Variants in PCNX2 observed in about 807,000 individuals in gnomAD.
The protein encoded by PCNX2 is pecanex-like protein 2.
PCNX2 carries 168 observed loss-of-function variants against 223.8 expected under a neutral mutation model. The observed-to-expected ratio is 0.75, with a 90% confidence interval of 0.66 to 0.85. The LOEUF (loss-of-function observed/expected upper bound fraction) is 0.85, where lower values mean the gene tolerates loss of function less well. PCNX2 is among the 40% of genes least tolerant of loss of function. The pLI, the probability that PCNX2 is intolerant of heterozygous loss-of-function variation, is 0.00. For synonymous variants in PCNX2, 1,006 were observed against 1,052.6 expected (o/e 0.96, Z 0.86); for missense variants, 2,507 against 2,675.5 (o/e 0.94, Z 1.39).
chr1:233,218,776 T>C (rs1473194872), intron 10 of PCNX2, among the ~76,000 whole-genome samples: 1 of 152,128 alleles, frequency 6.6e-6, no homozygotes, highest in Non-Finnish European at 1.5e-5. Flanking sequence ...AAACTGGGTT[T>C]ACTGGCAAAA....
the PCNX2 span, among the ~76,000 whole-genome samples, chr1:233,310,331 T>A: frequency 6.6e-6 from 1 of 152,156 alleles, no homozygotes; most frequent in Non-Finnish European, 1.5e-5. Flanking sequence ...AAACTGATAG[T>A]ATATCAGTAC....
intron 21 of PCNX2, among the ~76,000 whole-genome samples, chr1:233,134,060 A>T (rs1287058037): frequency 6.6e-6 from 1 of 152,296 alleles, no homozygotes. Context: ...AGGTGAAAAA[A>T]TTTTAAAAAT....
rs542501860 is a variant in PCNX2, at chr1:233,270,846, G to T, written c.154-7683C>A. 3.3e-5 allele frequency among the ~76,000 whole-genome samples: 5 copies of T among 152,110 alleles called. No individual in the cohort carries two copies. In the East Asian group the frequency reaches 9.7e-4, roughly 29 times the overall value. On this transcript the variant is annotated intron_variant, in intron 1 of 33. Transcript: ENST00000258229. Reference sequence around the variant, plus strand: ...ATGGTGCTACAGGGAATGGTAAGATGAAAAAAACAGCCAAAGGTTAGAAAG... The same window carrying T: ...ATGGTGCTACAGGGAATGGTAAGATTAAAAAAACAGCCAAAGGTTAGAAAG...
chr1:233,045,307 T>C (rs1485047734), intron 25 of PCNX2, among the ~76,000 whole-genome samples: 1 of 152,190 alleles, frequency 6.6e-6, no homozygotes, highest in Non-Finnish European at 1.5e-5. Flanking sequence ...CATGCAATCT[T>C]CCACTTTCTG....
the PCNX2 span, among the ~76,000 whole-genome samples, chr1:233,303,817 A>T: frequency 2.0e-5 from 3 of 152,022 alleles, no homozygotes; most frequent in Non-Finnish European, 4.4e-5. Flanking sequence ...GTTAGTGTTT[A>T]TATGGTTATA....
intron 4 of PCNX2, among the ~76,000 whole-genome samples, chr1:233,260,655 C>G (rs1360980071): frequency 6.6e-6 from 1 of 151,780 alleles, no homozygotes; most frequent in South Asian, 2.1e-4. Context: ...TTTTCTAGAG[C>G]GAATTAAACT....
Position 233,252,800 on chromosome 1 carries a change from T to C in PCNX2, c.1835-12A>G, listed in dbSNP as rs375446550. On this transcript the variant is annotated splice_polypyrimidine_tract_variant and intron_variant, in intron 5 of 33. Transcript: ENST00000258229. ...CTGGGAACAGTTATCTGAAAAACAT[T>C]GCTTTACTTGTTAATTTAATATAAA... is the stretch of plus-strand genomic sequence containing the variant. 1.1e-5 allele frequency: 17 copies of C among 1,582,656 alleles called. No individual in the cohort carries two copies. In the African/African-American group the frequency reaches 2.2e-4, roughly 20 times the overall value.
At chr1:233,292,569 C>A (rs1355201362) in intron 1 of PCNX2, among the ~76,000 whole-genome samples, 2 of 152,160 alleles carry the variant, frequency 1.3e-5, no homozygotes, top group East Asian at 3.9e-4. Flanking sequence ...GAAAAGTTCA[C>A]AGAACTTTGA....
chr1:233,307,493 T>C, the PCNX2 span, among the ~76,000 whole-genome samples: 1 of 152,324 alleles, frequency 6.6e-6, no homozygotes, highest in East Asian at 1.9e-4. Context: ...GCTAGCTCCA[T>C]GCCCCTTGTA....
chr1:233,032,062 T>G, intron 25 of PCNX2: 2 of 971,402 alleles, frequency 2.1e-6, no homozygotes, highest in Non-Finnish European at 2.4e-6. Context: ...GAAGAAATTC[T>G]CTTCCAATGG....
At chr1:233,226,210 G>T (rs1370419113) in intron 10 of PCNX2, among the ~76,000 whole-genome samples, 1 of 152,144 alleles carries the variant, frequency 6.6e-6, no homozygotes, top group Non-Finnish European at 1.5e-5. Flanking sequence ...AAATTTTGAG[G>T]TAGGAAAAGA....
the PCNX2 span, among the ~76,000 whole-genome samples, chr1:233,300,977 G>C: frequency 2.6e-5 from 4 of 152,122 alleles, no homozygotes; most frequent in Admixed American, 2.6e-4. Context: ...TGGATGAAAG[G>C]CTCTTTTGTA....
chr1:233,009,268 T>C (rs1670387163), intron 28 of PCNX2, among the ~76,000 whole-genome samples: 2 of 152,236 alleles, frequency 1.3e-5, no homozygotes, highest in Admixed American at 1.3e-4. Context: ...GATACTGTTA[T>C]TGTTATTTTC....
chr1:233,137,591 C>T (rs1017877797), intron 20 of PCNX2, among the ~76,000 whole-genome samples: 2 of 152,104 alleles, frequency 1.3e-5, no homozygotes, highest in African/African-American at 2.4e-5. Context: ...ATCAATTAGC[C>T]CACAGTAAAC....
At chr1:233,181,337 T>C (rs966042863) in intron 15 of PCNX2, among the ~76,000 whole-genome samples, 1 of 151,846 alleles carries the variant, frequency 6.6e-6, no homozygotes, top group Non-Finnish European at 1.5e-5. Flanking sequence ...GTAGCTGGGA[T>C]TACAGGCACA....
At chr1:233,143,999 AG>A (rs1335746923) in intron 19 of PCNX2, among the ~76,000 whole-genome samples, 3 of 152,092 alleles carry the variant, frequency 2.0e-5, no homozygotes, top group Non-Finnish European at 4.4e-5. Flanking sequence ...TGGGCAATAT[AG>A]GGAGACCCTG....
intron 25 of PCNX2, among the ~76,000 whole-genome samples, chr1:233,049,055 C>T (rs542834271): frequency 6.6e-6 from 1 of 152,180 alleles, no homozygotes; most frequent in South Asian, 2.1e-4. Flanking sequence ...TTCTATCAGA[C>T]ATAAGAAGAA....
intron 23 of PCNX2, 38 bp from the exon 24 acceptor site, chr1:233,057,328 G>A (rs1672229771): frequency 2.6e-6 from 4 of 1,511,516 alleles, no homozygotes; most frequent in Non-Finnish European, 3.7e-6. Context: ...GTCATGATTA[G>A]ATCCCCCCAA....
intron 10 of PCNX2, among the ~76,000 whole-genome samples, chr1:233,224,367 A>G (rs897051033): frequency 6.6e-6 from 1 of 152,250 alleles, no homozygotes; most frequent in African/African-American, 2.4e-5. Context: ...AACGGCAGGA[A>G]CCATGAAACT....
Sources: gnomAD v4.1 joint callset for allele counts (sites outside exome capture counted in the v4.1 genomes callset) on GRCh38, gnomAD v4.1.1 for gene constraint, MANE v1.5 for transcripts, NCBI Gene and HGNC (gene_info 2026-07-23, HGNC 2026-07-21) for gene names.